Variants in PRKDC observed in about 807,000 individuals in gnomAD.
The protein encoded by PRKDC is protein kinase, DNA-activated, catalytic subunit.
Under a neutral mutation model 486.9 loss-of-function variants are expected in PRKDC, and 82 were observed. The ratio of observed to expected loss-of-function variants is 0.17; its 90% CI spans 0.14 to 0.20. The LOEUF (loss-of-function observed/expected upper bound fraction) is 0.20. Ranked by LOEUF, PRKDC falls within the 10% of genes least tolerant of loss-of-function variation. The pLI, the probability that PRKDC is intolerant of heterozygous loss-of-function variation, is 1.00. For synonymous variants in PRKDC, 1,895 were observed against 1,837.0 expected (o/e 1.03, Z -0.81); for missense variants, 4,504 against 5,038.2 (o/e 0.89, Z 3.21).
chr8:47,794,881 T>C (rs1163322148), intron 73 of PRKDC, among the ~76,000 whole-genome samples: 1 of 152,218 alleles, frequency 6.6e-6, no homozygotes, highest in African/African-American at 2.4e-5. Flanking sequence ...CCTGTACACA[T>C]AACTTTATTT....
chr8:47,938,464 G>A (rs2154503896), intron 11 of PRKDC, among the ~76,000 whole-genome samples: 1 of 151,322 alleles, frequency 6.6e-6, no homozygotes, highest in Non-Finnish European at 1.5e-5. Context: ...AAAAGGGAGA[G>A]ATTGTAGGAA....
chr8:47,792,409 C>T (rs550762044), intron 74 of PRKDC, among the ~76,000 whole-genome samples: 1 of 151,900 alleles, frequency 6.6e-6, no homozygotes, highest in African/African-American at 2.4e-5. Flanking sequence ...TAGGCACCTG[C>T]CACCATGCCC....
At chr8:47,802,302 A>G (rs893880302) in intron 70 of PRKDC, among the ~76,000 whole-genome samples, 6 of 152,136 alleles carry the variant, frequency 3.9e-5, no homozygotes, top group African/African-American at 9.7e-5. Context: ...AGACACCTTT[A>G]TTGAGGCTGA....
At chr8:47,784,757 A>G (rs1204765091) in intron 77 of PRKDC, among the ~76,000 whole-genome samples, 2 of 151,860 alleles carry the variant, frequency 1.3e-5, no homozygotes, top group East Asian at 3.9e-4. Context: ...TACACATCCC[A>G]GGAAGTAATC....
chr8:47,842,656 G>A (rs533211898), intron 54 of PRKDC, among the ~76,000 whole-genome samples: 1 of 152,272 alleles, frequency 6.6e-6, no homozygotes, highest in South Asian at 2.1e-4. Flanking sequence ...AAGAATTTGT[G>A]CAAACACTCT....
chr8:47,849,140 T>C lies in PRKDC; in HGVS notation c.7280+14A>G. ...AGCCAGTGGGACCCAAGAGCAGGGCTAGTGTTCACTCACCTATGTCTCATG... is the reference window on the plus strand; with the variant it reads ...AGCCAGTGGGACCCAAGAGCAGGGCCAGTGTTCACTCACCTATGTCTCATG... On this transcript the variant is annotated intron_variant, in intron 54 of 85. Coordinates refer to ENST00000314191, the MANE Select transcript of PRKDC (RefSeq NM_006904.7). The C allele has an allele frequency of 6.2e-7, 1 of 1,613,370 alleles. No homozygotes were observed. The highest frequency in any genetic ancestry group is 1.1e-5 in the South Asian group (1 of 91,030).
chr8:47,803,043 G>A (rs756144743), intron 70 of PRKDC, among the ~76,000 whole-genome samples: 8 of 152,008 alleles, frequency 5.3e-5, no homozygotes, highest in Non-Finnish European at 8.8e-5. Context: ...CACCTCGGTC[G>A]CCCAAATTGC....
chr8:47,901,090 G>A (rs2089672899), intron 27 of PRKDC, among the ~76,000 whole-genome samples: 1 of 143,848 alleles, frequency 7.0e-6, no homozygotes, highest in Non-Finnish European at 1.5e-5. Context: ...GGAGGTTGAG[G>A]TTGAGTCATG....
chr8:47,797,431 G>A (rs1006672398), intron 73 of PRKDC, among the ~76,000 whole-genome samples: 8 of 152,188 alleles, frequency 5.3e-5, no homozygotes, highest in African/African-American at 1.4e-4. Flanking sequence ...AGAAAAAGGT[G>A]GAAGGAGTGG....
intron 25 of PRKDC, 87 bp from the exon 26 acceptor site, chr8:47,905,063 G>T: frequency 1.0e-6 from 1 of 981,652 alleles, no homozygotes; most frequent in Middle Eastern, 2.2e-4. Flanking sequence ...GCCATTTGCA[G>T]TATAAAATTA....
In PRKDC at chr8:47,939,627, T is replaced by C. The variant is rs1379362671; in HGVS notation, c.1037A>G (p.Tyr346Cys). 1 of 1,613,552 alleles carries C rather than the reference T, an allele frequency of 6.2e-7. No individual in the cohort carries two copies. ...NKLQYFMEQF[Y>C]GIIRNVDSNN... is the part of the protein sequence containing the mutation. The stretch of plus-strand genomic sequence containing the variant: ...CGAATCCACATTTCTGATGATTCCA[T>C]AAAACTGCTCCATAAAGTACTGCAG... Residue 346 changes from tyrosine (Y) to cysteine (C), a missense_variant, in exon 11 of 86, where the codon TAT (tyrosine) becomes TGT (cysteine). By Grantham distance (194) the Tyr-to-Cys change is radical (BLOSUM62 -2). This residue lies in a region of PRKDC where 1,969 missense variants were observed against 2,068.9 expected (regional missense o/e 0.95). Transcript: ENST00000314191.
intron 54 of PRKDC, among the ~76,000 whole-genome samples, chr8:47,844,865 A>G (rs2088232220): frequency 6.6e-6 from 1 of 152,122 alleles, no homozygotes; most frequent in South Asian, 2.1e-4. Flanking sequence ...AAATGCCTAC[A>G]TCAAAATGCT....
intron 74 of PRKDC, among the ~76,000 whole-genome samples, chr8:47,792,254 ATTTTT>A (rs757370500): frequency 1.4e-5 from 2 of 139,462 alleles, no homozygotes; most frequent in Non-Finnish European, 1.6e-5. Context: ...CCACAGTAAA[ATTTTT>A]TTTTTTTTTT....
At chr8:47,811,409 T>C (rs1301068386) in intron 68 of PRKDC, among the ~76,000 whole-genome samples, 1 of 152,192 alleles carries the variant, frequency 6.6e-6, no homozygotes, top group Non-Finnish European at 1.5e-5. Flanking sequence ...CAAGAACTGC[T>C]AAACGAAGAT....
In PRKDC at chr8:47,777,745, G is replaced by C. The variant is rs1277029254; in HGVS notation, c.11983C>G (p.Pro3995Ala). ...VHALRAFRSD[P>A]GLLTNTMDVF... ...TCCATGGTGTTGGTGAGCAGGCCAGGGTCTGAGCGGAAGGCCCGGAGTGCG... is the reference window on the plus strand; with the variant it reads ...TCCATGGTGTTGGTGAGCAGGCCAGCGTCTGAGCGGAAGGCCCGGAGTGCG... Residue 3995 changes from proline (P) to alanine (A), a missense_variant, in exon 84 of 86, where the codon CCT becomes GCT. Pro to Ala is a conservative substitution (Grantham distance 27). This residue lies in a region of PRKDC where 706 missense variants were observed against 945.0 expected (regional missense o/e 0.75). Coordinates refer to ENST00000314191, the MANE Select transcript of PRKDC (RefSeq NM_006904.7). 1 of 1,613,686 alleles carries C rather than the reference G, an allele frequency of 6.2e-7. No individual in the cohort carries two copies. Among genetic ancestry groups the C allele is most frequent in the Non-Finnish European group, 8.5e-7 (1 of 1,179,656 alleles).
intron 65 of PRKDC, among the ~76,000 whole-genome samples, chr8:47,821,357 C>T (rs1421448934): frequency 6.6e-6 from 1 of 152,034 alleles, no homozygotes. Context: ...GAAATATGCT[C>T]CTATGTAGTC....
At chr8:47,947,323 T>C (rs2090550743) in intron 7 of PRKDC, among the ~76,000 whole-genome samples, 1 of 152,204 alleles carries the variant, frequency 6.6e-6, no homozygotes, top group Admixed American at 6.5e-5. Context: ...TCCTCTTCAC[T>C]ACACCCCACC....
intron 74 of PRKDC, among the ~76,000 whole-genome samples, chr8:47,791,456 CA>C (rs2086882204): frequency 6.6e-6 from 1 of 152,038 alleles, no homozygotes; most frequent in Admixed American, 6.6e-5. Context: ...CCCTGGGCAA[CA>C]GAGCAATACA....
rs149772289 is a variant in PRKDC at position 47,864,891 on chromosome 8, T to C, written c.5364-128A>G. On this transcript the variant is annotated intron_variant, in intron 40 of 85. Coordinates refer to ENST00000314191, the MANE Select transcript of PRKDC (RefSeq NM_006904.7). ...TACAAAAATAACTTTAAGGACTATA[T>C]ATATGCAAAATCCACAAAACACAAA... 555 of 796,794 alleles carry C rather than the reference T, an allele frequency of 7.0e-4. 5 individuals are homozygous for C. The East Asian group carries it at 0.015, about 22-fold the overall frequency. 49.4% of individuals were successfully genotyped at this position (796,794 alleles called of 1,614,324 possible). A position where few individuals can be genotyped will look rare whatever the true frequency, so the allele number is the denominator to read the frequency against.
Sources: allele counts gnomAD v4.1 joint callset (sites outside exome capture counted in the v4.1 genomes callset), GRCh38; gene constraint gnomAD v4.1.1; regional missense constraint gnomAD v4.1.1; transcripts MANE v1.5; gene names NCBI Gene and HGNC (gene_info 2026-07-23, HGNC 2026-07-21).